Variants in SERPINE2 observed in about 807,000 individuals in gnomAD.
SERPINE2 encodes the protein serpin family E member 2.
A neutral mutation model predicts 36.3 loss-of-function variants in SERPINE2; 14 were observed. That is an observed-to-expected ratio of 0.39 (90% CI 0.25 to 0.60). SERPINE2 has a LOEUF of 0.60. SERPINE2 is among the 20% of genes least tolerant of loss of function. The pLI is 0.57. For missense variants in SERPINE2, 418 were observed against 499.6 expected, an observed-to-expected ratio of 0.84 and a Z score of 1.56; for synonymous variants, 192 against 191.8, an observed-to-expected ratio of 1.00 and a Z score of -0.01.
chr2:223,991,813 C>T lies in SERPINE2; in HGVS notation c.675G>A (p.Val225=). Residue 225 remains valine (V), a synonymous_variant, in exon 4 of 9, where the codon GTG becomes GTA. Transcript: ENST00000409304. ...TGAGCATGAACTCACCACACCGGAA[C>T]ACGGAGAGCTGGGCCAGCATTGGCA... ...YQVPMLAQLS[V]FRCGSTSAPN... 1.2e-6 allele frequency: 2 copies of T among 1,613,928 alleles called. No individual in the cohort carries two copies. Among genetic ancestry groups the T allele is most frequent in the Middle Eastern group, 1.7e-4 (1 of 5,858 alleles).
chr2:224,035,574 G>C (rs767465695), intron 1 of SERPINE2, among the ~76,000 whole-genome samples: 1 of 152,040 alleles, frequency 6.6e-6, no homozygotes, highest in South Asian at 2.1e-4. Flanking sequence ...TTACCATGTT[G>C]ATCAGGCTGG....
chr2:223,985,971 A>G (rs908359558), intron 4 of SERPINE2, among the ~76,000 whole-genome samples: 3 of 152,240 alleles, frequency 2.0e-5, no homozygotes, highest in African/African-American at 7.2e-5. Flanking sequence ...TAGGGAGTTC[A>G]GCAAACAAGA....
chr2:224,001,074 T>C (rs568490730), intron 2 of SERPINE2, among the ~76,000 whole-genome samples: 64 of 152,274 alleles, frequency 4.2e-4, no homozygotes, highest in African/African-American at 9.1e-4. Flanking sequence ...CGTCGTTGCA[T>C]CAGGAAATTT....
At chr2:224,035,789 A>G (rs1246830415) in intron 1 of SERPINE2, among the ~76,000 whole-genome samples, 3 of 152,238 alleles carry the variant, frequency 2.0e-5, no homozygotes, top group Non-Finnish European at 4.4e-5. Context: ...GCCTACTGCT[A>G]GAAGTGGCAC....
intron 7 of SERPINE2, chr2:223,979,031 C>T (rs558728033): frequency 6.6e-6 from 1 of 152,004 alleles, no homozygotes; most frequent in African/African-American, 2.4e-5. Flanking sequence ...AGAAACAAAC[C>T]TGCCAACACC....
At chr2:223,977,224 T>G (rs531448904) in intron 8 of SERPINE2, among the ~76,000 whole-genome samples, 4 of 152,258 alleles carry the variant, frequency 2.6e-5, no homozygotes, top group African/African-American at 9.6e-5. Flanking sequence ...TCTAGCAAAA[T>G]TGAACCACCA....
At position 224,031,064 on chromosome 2, in the gene SERPINE2, G is replaced by A. The variant is rs79413934; in HGVS notation, c.-23+8035C>T. The A allele has an allele frequency of 3.0e-3, 2,927 of 976,150 alleles. 57 individuals carry two copies. The African/African-American group carries it at 0.053, about 18-fold the overall frequency. 60.5% of individuals were successfully genotyped at this position (976,150 alleles called of 1,614,324 possible). A position where few individuals can be genotyped will look rare whatever the true frequency, so the allele number is the denominator to read the frequency against. On this transcript the variant is annotated intron_variant, in intron 1 of 8. Transcript: ENST00000409304. ...GCACGGCGAGGAGGTAGTCTTGAAAGGAGGAGTGTGCTTTGACACAAATTT... is the reference window on the plus strand; with the variant it reads ...GCACGGCGAGGAGGTAGTCTTGAAAAGAGGAGTGTGCTTTGACACAAATTT...
chr2:224,036,802 A>G (rs895663846), intron 1 of SERPINE2, among the ~76,000 whole-genome samples: 1 of 152,032 alleles, frequency 6.6e-6, no homozygotes, highest in Non-Finnish European at 1.5e-5. Flanking sequence ...ATGCAGGGAC[A>G]AGGGAGGTTA....
Position 223,992,098 on chromosome 2 carries a change from A to G in SERPINE2, c.488-98T>C. The stretch of plus-strand genomic sequence containing the variant: ...TGTCATCAGGTAGACTGAAAAATCA[A>G]AGGATTTTTAAGGAGTGTTAAAGAG... On this transcript the variant is annotated intron_variant, in intron 3 of 8. Coordinates refer to ENST00000409304, the MANE Select transcript of SERPINE2 (RefSeq NM_001136528.2). The G allele has an allele frequency of 6.2e-6, 6 of 973,004 alleles. No homozygotes were observed. In the South Asian group the frequency reaches 8.5e-5, roughly 14 times the overall value. 60.3% of individuals were successfully genotyped at this position (973,004 alleles called of 1,614,324 possible). A position where few individuals can be genotyped will look rare whatever the true frequency, so the allele number is the denominator to read the frequency against.
intron 1 of SERPINE2, among the ~76,000 whole-genome samples, chr2:224,005,065 T>TTATATATATTTATA (rs1691355073): frequency 3.0e-5 from 1 of 33,560 alleles, no homozygotes; most frequent in Admixed American, 3.6e-4. Flanking sequence ...TTTATATATA[T>TTATATATATTTATA]TATATATATA....
chr2:223,985,177 A>G, intron 4 of SERPINE2: 1 of 554,738 alleles, frequency 1.8e-6, no homozygotes, highest in Non-Finnish European at 3.2e-6. Context: ...GAATCACTGA[A>G]ATCACTTTAA....
intron 1 of SERPINE2, among the ~76,000 whole-genome samples, chr2:224,037,721 G>A (rs1430159387): frequency 6.6e-6 from 1 of 152,198 alleles, no homozygotes; most frequent in Non-Finnish European, 1.5e-5. Flanking sequence ...TTGTGTGGAA[G>A]TGAAAATTAG....
At chr2:224,023,307 C>A (rs1302087907) in intron 1 of SERPINE2, among the ~76,000 whole-genome samples, 1 of 152,234 alleles carries the variant, frequency 6.6e-6, no homozygotes, top group Non-Finnish European at 1.5e-5. Context: ...AGTTTGTCTT[C>A]TCTGCTTCAT....
At chr2:223,982,953 T>A (rs1358163910) in intron 5 of SERPINE2, among the ~76,000 whole-genome samples, 172 bp from the exon 6 acceptor site, 2 of 152,190 alleles carry the variant, frequency 1.3e-5, no homozygotes, top group Non-Finnish European at 2.9e-5. Context: ...AAAGGACAAC[T>A]CCTCTCTCAA....
rs144898349 is a variant in SERPINE2, at chr2:224,016,454, C to T, written c.-22-14532G>A. ...CCGGGAGATGGAGGTTGCAGTGAGC[C>T]GAGGTTGTGCTATTGCACTCCAGCC... On this transcript the variant is annotated intron_variant, in intron 1 of 8. Coordinates refer to ENST00000409304, the MANE Select transcript of SERPINE2 (RefSeq NM_001136528.2). Among the ~76,000 whole-genome samples the T allele has an allele frequency of 4.8e-3, 729 of 150,372 alleles. 7 individuals carry two copies. Among genetic ancestry groups the T allele is most frequent in the African/African-American group, 0.017 (675 of 40,808 alleles).
At chr2:223,980,540 G>A (rs1690193300) in intron 6 of SERPINE2, 143 bp from the exon 7 acceptor site, 1 of 649,890 alleles carries the variant, frequency 1.5e-6, no homozygotes, top group Non-Finnish European at 2.7e-6. Flanking sequence ...CAGTCCTGGT[G>A]TTGAAGGCTG....
chr2:224,029,994 T>G, intron 1 of SERPINE2: 1 of 919,094 alleles, frequency 1.1e-6, no homozygotes, highest in Non-Finnish European at 1.3e-6. Context: ...AGCATAGACA[T>G]GTCTGGCCCT....
At chr2:224,029,070 C>T (rs1210627867) in intron 1 of SERPINE2, among the ~76,000 whole-genome samples, 1 of 152,218 alleles carries the variant, frequency 6.6e-6, no homozygotes, top group African/African-American at 2.4e-5. Context: ...GATTTACCAC[C>T]TTGCTGCACA....
At chr2:224,015,844 AG>A (rs968655840) in intron 1 of SERPINE2, among the ~76,000 whole-genome samples, 4 of 152,264 alleles carry the variant, frequency 2.6e-5, no homozygotes, top group African/African-American at 9.6e-5. Flanking sequence ...GATCCTGCAA[AG>A]ATGATGAAGA....
Sources: gnomAD v4.1 joint callset for allele counts (sites outside exome capture counted in the v4.1 genomes callset) on GRCh38, gnomAD v4.1.1 for gene constraint, MANE v1.5 for transcripts, NCBI Gene and HGNC (gene_info 2026-07-23, HGNC 2026-07-21) for gene names.